The following SORCS1 variants were observed in gnomAD, a reference collection of about 807,000 sequenced individuals.
SORCS1 encodes the protein sortilin related VPS10 domain containing receptor 1.
In SORCS1, 60 loss-of-function variants were observed where a neutral mutation model predicts 146.1. The ratio of observed to expected loss-of-function variants is 0.41; its 90% CI spans 0.33 to 0.51. The LOEUF (loss-of-function observed/expected upper bound fraction) is 0.51, where lower values mean the gene tolerates loss of function less well. Among genes scored for constraint, SORCS1 ranks in the 20% least tolerant of loss-of-function variants. The pLI is 0.21. For synonymous variants in SORCS1, 637 were observed against 584.0 expected (o/e 1.09, Z -1.31); for missense variants, 1,352 against 1,487.6 (o/e 0.91, Z 1.50).
intron 4 of SORCS1, among the ~76,000 whole-genome samples, chr10:106,765,858 T>G (rs973768716): frequency 3.3e-5 from 5 of 152,062 alleles, no homozygotes; most frequent in Non-Finnish European, 7.4e-5. Flanking sequence ...TATTCCTAAA[T>G]CGGATCAACG....
chr10:106,813,514 G>A (rs992219429), intron 3 of SORCS1, among the ~76,000 whole-genome samples: 3 of 152,176 alleles, frequency 2.0e-5, no homozygotes, highest in Non-Finnish European at 2.9e-5. Context: ...TGAGTAAAGA[G>A]AGGCAGCTGT....
At chr10:106,895,707 C>T (rs1454869199) in intron 2 of SORCS1, among the ~76,000 whole-genome samples, 1 of 152,156 alleles carries the variant, frequency 6.6e-6, no homozygotes, top group Non-Finnish European at 1.5e-5. Context: ...GGTACAACCA[C>T]TATGGAAAAT....
At chr10:106,716,163 T>C (rs919899715) in intron 6 of SORCS1, among the ~76,000 whole-genome samples, 2 of 152,126 alleles carry the variant, frequency 1.3e-5, no homozygotes, top group Non-Finnish European at 2.9e-5. Flanking sequence ...CAAATACAGA[T>C]CTTCTGCATA....
chr10:106,870,238 A>G (rs1489664702), intron 2 of SORCS1, among the ~76,000 whole-genome samples: 1 of 152,240 alleles, frequency 6.6e-6, no homozygotes, highest in African/African-American at 2.4e-5. Flanking sequence ...GGATAGGAAG[A>G]ATCAACATCT....
At chr10:106,976,325 G>GTTTTTTTGTT (rs373594484) in intron 1 of SORCS1, among the ~76,000 whole-genome samples, 40,218 of 89,364 alleles carry the variant, frequency 0.45, 8,809 homozygotes, top group Non-Finnish European at 0.53. Context: ...CATCATCTAG[G>GTTTTTTTGTT]TTTTTTTGTT....
intron 18 of SORCS1, among the ~76,000 whole-genome samples, chr10:106,652,136 T>A (rs368076621): frequency 3.3e-5 from 5 of 152,016 alleles, no homozygotes; most frequent in Admixed American, 1.3e-4. Flanking sequence ...ATCCAACAGA[T>A]CCTCCAAGAG....
In SORCS1 at chr10:106,818,122, G is replaced by A. The variant is rs75581348; in HGVS notation, c.726+11452C>T. ...ACAAGCCAGGTGTTCAATAAAACAT[G>A]TCAATTAATCTCTTCTTAATATTAT... On this transcript the variant is annotated intron_variant, in intron 3 of 25. Transcript: ENST00000263054. 8.6e-3 allele frequency among the ~76,000 whole-genome samples: 1,302 copies of A among 152,278 alleles called. 46 individuals are homozygous for A. The East Asian group carries it at 0.12, about 14-fold the overall frequency.
chr10:107,071,820 T>C (rs1962450064), intron 1 of SORCS1, among the ~76,000 whole-genome samples: 1 of 152,156 alleles, frequency 6.6e-6, no homozygotes, highest in African/African-American at 2.4e-5. Context: ...TATTGTTAAC[T>C]AGATAATTGA....
chr10:106,871,375 A>T (rs1176540548), intron 2 of SORCS1, among the ~76,000 whole-genome samples: 2 of 152,202 alleles, frequency 1.3e-5, no homozygotes, highest in African/African-American at 4.8e-5. Context: ...CCACCCAGCA[A>T]TCCCATTACT....
intron 1 of SORCS1, among the ~76,000 whole-genome samples, chr10:106,968,967 T>A (rs372102444): frequency 1.3e-5 from 2 of 152,208 alleles, no homozygotes; most frequent in African/African-American, 4.8e-5. Flanking sequence ...TAGCAGATCT[T>A]TTGTTTGCCT....
rs3044191 is a variant in SORCS1, at chr10:106,581,322, T to TACACAC, written c.3266-1854_3266-1849dup. 4.6e-3 allele frequency among the ~76,000 whole-genome samples: 653 copies of TACACAC among 142,434 alleles called. 4 individuals are homozygous for TACACAC. The highest frequency in any genetic ancestry group is 0.025 in the Middle Eastern group (7 of 280). 93.4% of individuals were successfully genotyped at this position (142,434 alleles called of 152,430 possible). On this transcript the variant is annotated intron_variant, in intron 24 of 25. Coordinates refer to ENST00000263054, the MANE Select transcript of SORCS1 (RefSeq NM_052918.5). ...AGACTTGAACCTGAATCGTCATACA[T>TACACAC]ACACACACACACACACACACACACA...
chr10:106,685,191 A>G (rs1390692727), intron 10 of SORCS1, among the ~76,000 whole-genome samples: 2 of 152,196 alleles, frequency 1.3e-5, no homozygotes, highest in African/African-American at 4.8e-5. Flanking sequence ...GGGAATGAAC[A>G]GCTTCCATTA....
chr10:106,866,880 C>T (rs1353410027), intron 2 of SORCS1, among the ~76,000 whole-genome samples: 2 of 152,196 alleles, frequency 1.3e-5, no homozygotes, highest in Non-Finnish European at 2.9e-5. Flanking sequence ...CTTAAAGGAA[C>T]ACCCACATGC....
At chr10:106,727,746 C>T (rs1385900372) in intron 6 of SORCS1, among the ~76,000 whole-genome samples, 1 of 152,198 alleles carries the variant, frequency 6.6e-6, no homozygotes, top group Non-Finnish European at 1.5e-5. Context: ...AGGCGATTAA[C>T]CTGAGGTCTC....
In SORCS1 at chr10:106,611,940, C is replaced by T. The variant is rs766834176; in HGVS notation, c.3004G>A (p.Gly1002Ser). The change falls in exon 22 of 26, where the codon GGT becomes AGT. Residue 1002 changes from glycine to serine, a missense_variant. Physicochemically the swap from Gly to Ser is moderately conservative, Grantham distance 56 (BLOSUM62 0). This residue lies in a region of SORCS1 where 214 missense variants were observed against 204.8 expected (regional missense o/e 1.05). Coordinates refer to ENST00000263054, the MANE Select transcript of SORCS1 (RefSeq NM_052918.5). ...ACCAGGGATTTTTTGATGACTCGAC[C>T]GATGTCCCTCCTCCACTCAGGGATG... ...PDIPEWRRDI[G>S]RVIKKSLVEA... 3.0e-5 allele frequency: 48 copies of T among 1,613,916 alleles called. No individual in the cohort carries two copies. The Admixed American group carries it at 4.8e-4, about 16-fold the overall frequency.
At chr10:106,980,995 A>C (rs926055066) in intron 1 of SORCS1, among the ~76,000 whole-genome samples, 5 of 152,128 alleles carry the variant, frequency 3.3e-5, no homozygotes, top group African/African-American at 1.2e-4. Context: ...TATGAGGAAA[A>C]AAAAAAACAA....
intron 3 of SORCS1, among the ~76,000 whole-genome samples, chr10:106,792,086 T>G (rs749996011): frequency 7.2e-5 from 11 of 152,236 alleles, no homozygotes; most frequent in Non-Finnish European, 1.3e-4. Context: ...TAAGTCTGCT[T>G]ATGCACACTT....
intron 18 of SORCS1, among the ~76,000 whole-genome samples, chr10:106,631,084 C>T (rs1407028101): frequency 6.6e-6 from 1 of 151,958 alleles, no homozygotes; most frequent in East Asian, 1.9e-4. Context: ...TTGAAAAGGC[C>T]AAGTTTAAAA....
At chr10:107,097,535 A>C (rs565881491) in intron 1 of SORCS1, among the ~76,000 whole-genome samples, 65 of 152,284 alleles carry the variant, frequency 4.3e-4, no homozygotes, top group Non-Finnish European at 6.6e-4. Flanking sequence ...AGCTGGAATG[A>C]GAGAAAGACC....
Sources: allele counts gnomAD v4.1 joint callset (sites outside exome capture counted in the v4.1 genomes callset), GRCh38; gene constraint gnomAD v4.1.1; regional missense constraint gnomAD v4.1.1; transcripts MANE v1.5; gene names NCBI Gene and HGNC (gene_info 2026-07-23, HGNC 2026-07-21).